The following SORCS2 variants were observed in gnomAD, a reference collection of about 807,000 sequenced individuals.
SORCS2 encodes VPS10 domain-containing receptor SorCS2.
A neutral mutation model predicts 141.6 loss-of-function variants in SORCS2; 100 were observed. The ratio of observed to expected loss-of-function variants is 0.71; its 90% CI spans 0.60 to 0.83. SORCS2 has a LOEUF of 0.83. Ranked by LOEUF, SORCS2 falls within the 40% of genes least tolerant of loss-of-function variation. SORCS2 has a pLI of 0.00. For synonymous variants in SORCS2, 789 were observed against 676.9 expected, an observed-to-expected ratio of 1.17 and a Z score of -2.57; for missense variants, 1,646 against 1,560.2, an observed-to-expected ratio of 1.05 and a Z score of -0.93.
intron 2 of SORCS2, among the ~76,000 whole-genome samples, chr4:7,400,167 C>A (rs7666476): frequency 0.15 from 23,276 of 151,870 alleles, 1,951 homozygotes; most frequent in East Asian, 0.27. Context: ...ACCCCATCCC[C>A]AGTCTCAGCT....
At chr4:7,704,985 G>A (rs952786565) in intron 14 of SORCS2, among the ~76,000 whole-genome samples, 2 of 152,294 alleles carry the variant, frequency 1.3e-5, no homozygotes, top group African/African-American at 4.8e-5. Context: ...TGCCTTTCAC[G>A]GTGATGCCTG....
chr4:7,500,731 G>T (rs1025367673), intron 2 of SORCS2, among the ~76,000 whole-genome samples: 1 of 152,184 alleles, frequency 6.6e-6, no homozygotes, highest in Non-Finnish European at 1.5e-5. Flanking sequence ...CGTCCAAGAG[G>T]ACCTCTCTGA....
chr4:7,621,487 ATATGTGTGTC>A (rs1024664844), intron 3 of SORCS2, among the ~76,000 whole-genome samples: 4 of 144,912 alleles, frequency 2.8e-5, no homozygotes, highest in Admixed American at 1.4e-4. Context: ...GTGTGTGTTT[ATATGTGTGTC>A]TATGTGTGTC....
At chr4:7,451,036 GTGAA>G (rs1368711005) in intron 2 of SORCS2, among the ~76,000 whole-genome samples, 9 of 150,398 alleles carry the variant, frequency 6.0e-5, no homozygotes, top group Non-Finnish European at 1.3e-4. Flanking sequence ...GAATGAGTGA[GTGAA>G]TGAGTGAGTG....
At position 7,468,445 on chromosome 4, in the gene SORCS2, T is replaced by C. The variant is rs570848425; in HGVS notation, c.549-63085T>C. Reference sequence around the variant, plus strand: ...CATGGCAGTTGCCTGGGACTATCTATTTGAGAAGAATACACTGAAAAAAGA... The same window carrying C: ...CATGGCAGTTGCCTGGGACTATCTACTTGAGAAGAATACACTGAAAAAAGA... On this transcript the variant is annotated intron_variant, in intron 2 of 26. Coordinates refer to ENST00000507866, the MANE Select transcript of SORCS2 (RefSeq NM_020777.3). Among the ~76,000 whole-genome samples the C allele has an allele frequency of 2.0e-5, 3 of 152,330 alleles. No individual in the cohort carries two copies. In the East Asian group the frequency reaches 5.8e-4, roughly 29 times the overall value.
At chr4:7,430,729 C>G (rs1053793948) in intron 2 of SORCS2, 1 of 152,326 alleles carries the variant, frequency 6.6e-6, no homozygotes, top group Non-Finnish European at 1.5e-5. Flanking sequence ...TCCCAAACTT[C>G]TAGGCCCAGT....
intron 2 of SORCS2, chr4:7,434,960 G>T (rs1727197606): frequency 6.9e-7 from 1 of 1,450,638 alleles, no homozygotes; most frequent in East Asian, 2.5e-5. Context: ...GGCCCCAGAG[G>T]AGGCACGGAA....
chr4:7,487,574 T>C (rs1221728781), intron 2 of SORCS2, among the ~76,000 whole-genome samples: 1 of 152,236 alleles, frequency 6.6e-6, no homozygotes, highest in Non-Finnish European at 1.5e-5. Flanking sequence ...GCGCGCTGCA[T>C]GCACCTGGCC....
At chr4:7,617,768 CTG>C (rs1218708385) in intron 3 of SORCS2, among the ~76,000 whole-genome samples, 2 of 152,128 alleles carry the variant, frequency 1.3e-5, no homozygotes, top group African/African-American at 4.8e-5. Context: ...CCCTCATGGG[CTG>C]TGTTTCTAGG....
In SORCS2 at chr4:7,554,707, G is replaced by A. The variant is rs138266699; in HGVS notation, c.648+23078G>A. Among the ~76,000 whole-genome samples the A allele has an allele frequency of 1.6e-4, 25 of 152,320 alleles. No homozygotes were observed. The East Asian group carries it at 4.6e-3, about 28-fold the overall frequency. ...TTCTGCAAGGTAAGAGGAGTGCCAG[G>A]ATTGAGATTTGTAGAGCACAGCGGG... On this transcript the variant is annotated intron_variant, in intron 3 of 26. Transcript: ENST00000507866.
Position 7,218,880 on chromosome 4 carries a change from C to T in SORCS2, c.480+25754C>T, listed in dbSNP as rs1316799174. Among the ~76,000 whole-genome samples, 4 of 152,238 alleles carry T rather than the reference C, an allele frequency of 2.6e-5. 1 individual carries two copies. The South Asian group carries it at 8.3e-4, about 32-fold the overall frequency. On this transcript the variant is annotated intron_variant, in intron 1 of 26. Coordinates refer to ENST00000507866, the MANE Select transcript of SORCS2 (RefSeq NM_020777.3). ...TCAAGATAAAACCCAAACTCTTTCT[C>T]TGGCCCTTTCTCATTCCACAGATCT...
intron 26 of SORCS2, 87 bp from the exon 27 acceptor site, chr4:7,740,113 T>C: frequency 1.7e-6 from 2 of 1,208,420 alleles, no homozygotes; most frequent in Non-Finnish European, 2.4e-6. Flanking sequence ...CTCGAGGCAC[T>C]GCCTGAGGCC....
intron 1 of SORCS2, among the ~76,000 whole-genome samples, chr4:7,266,027 C>G (rs941040918): frequency 5.3e-5 from 8 of 152,222 alleles, no homozygotes. Context: ...CCCTGTTCTC[C>G]TTTCCCGGCC....
intron 1 of SORCS2, among the ~76,000 whole-genome samples, chr4:7,389,576 C>T (rs1182749837): frequency 1.3e-5 from 2 of 152,162 alleles, no homozygotes; most frequent in African/African-American, 4.8e-5. Context: ...TCTGACACTC[C>T]CTGTGTGCCG....
chr4:7,715,360 G>C, intron 17 of SORCS2, 49 bp downstream of exon 17: 1 of 1,603,416 alleles, frequency 6.2e-7, no homozygotes, highest in Non-Finnish European at 8.5e-7. Flanking sequence ...GGGCAGAGCT[G>C]TGGTGCAGCC....
chr4:7,650,310 C>T (rs1311106193), intron 4 of SORCS2, among the ~76,000 whole-genome samples: 1 of 152,204 alleles, frequency 6.6e-6, no homozygotes, highest in East Asian at 1.9e-4. Context: ...CTGGTGCTCG[C>T]ACCTGGAGCG....
At position 7,688,506 on chromosome 4, in the gene SORCS2, G is replaced by C. The variant is rs74534922; in HGVS notation, c.1489-980G>C. 6.0e-3 allele frequency among the ~76,000 whole-genome samples: 920 copies of C among 152,344 alleles called. 9 individuals carry two copies. Among genetic ancestry groups the C allele is most frequent in the African/African-American group, 0.021 (888 of 41,572 alleles). On this transcript the variant is annotated intron_variant, in intron 10 of 26. Coordinates refer to ENST00000507866, the MANE Select transcript of SORCS2 (RefSeq NM_020777.3). Reference sequence around the variant, plus strand: ...CCCAGGGGAAGGGCTGGACCCCAGAGCTGTGCCATAGTAATCCAATATCCT... The same window carrying C: ...CCCAGGGGAAGGGCTGGACCCCAGACCTGTGCCATAGTAATCCAATATCCT...
intron 1 of SORCS2, among the ~76,000 whole-genome samples, chr4:7,361,368 T>C (rs1721568778): frequency 6.6e-6 from 1 of 152,198 alleles, no homozygotes; most frequent in South Asian, 2.1e-4. Context: ...CAGCGAGATC[T>C]GATTTGGTGA....
rs1477040184 is a variant in SORCS2 at position 7,342,375 on chromosome 4, G to A, written c.481-53913G>A. Among the ~76,000 whole-genome samples, 3 of 152,328 alleles carry A rather than the reference G, an allele frequency of 2.0e-5. No individual in the cohort carries two copies. The East Asian group carries it at 5.8e-4, about 29-fold the overall frequency. On this transcript the variant is annotated intron_variant, in intron 1 of 26. Coordinates refer to ENST00000507866, the MANE Select transcript of SORCS2 (RefSeq NM_020777.3). ...GGTTTGTTGCTGCTGCCGCCATCTT[G>A]CCCTTCTTAATCATTTCTGAATGAT...
Sources: allele counts gnomAD v4.1 joint callset (sites outside exome capture counted in the v4.1 genomes callset), GRCh38; gene constraint gnomAD v4.1.1; transcripts MANE v1.5; gene names NCBI Gene and HGNC (gene_info 2026-07-23, HGNC 2026-07-21).